The following ERBB4 variants were observed in gnomAD, a reference collection of about 807,000 sequenced individuals.
ERBB4 encodes the protein erb-b2 receptor tyrosine kinase 4.
In ERBB4, 42 loss-of-function variants were observed where a neutral mutation model predicts 158.0. That is an observed-to-expected ratio of 0.27 (90% CI 0.21 to 0.34). The LOEUF (loss-of-function observed/expected upper bound fraction) is 0.34, where lower values mean the gene tolerates loss of function less well. Ranked by LOEUF, ERBB4 falls within the 10% of genes least tolerant of loss-of-function variation. The probability of loss-of-function intolerance (pLI) is 1.00; values close to 1 mark genes in which losing one functional copy is unlikely to be tolerated. For synonymous variants in ERBB4, 583 were observed against 558.7 expected, an observed-to-expected ratio of 1.04 and a Z score of -0.61; for missense variants, 1,333 against 1,624.1, an observed-to-expected ratio of 0.82 and a Z score of 3.08.
intron 3 of ERBB4, among the ~76,000 whole-genome samples, chr2:211,830,847 A>G (rs2077203010): frequency 6.6e-6 from 1 of 152,120 alleles, no homozygotes; most frequent in Non-Finnish European, 1.5e-5. Flanking sequence ...CCATTAATTA[A>G]TAGGGTTATA....
At chr2:211,605,259 T>G (rs2068940129) in intron 19 of ERBB4, among the ~76,000 whole-genome samples, 1 of 152,156 alleles carries the variant, frequency 6.6e-6, no homozygotes, top group African/African-American at 2.4e-5. Context: ...TGTAATGAGA[T>G]GAATACTAAA....
intron 3 of ERBB4, among the ~76,000 whole-genome samples, chr2:211,810,360 G>C (rs1559538233): frequency 6.6e-6 from 1 of 152,192 alleles, no homozygotes; most frequent in Non-Finnish European, 1.5e-5. Context: ...CTTGCTTTAT[G>C]AATCTGGGTA....
At chr2:211,837,673 C>T (rs1329420621) in intron 3 of ERBB4, among the ~76,000 whole-genome samples, 1 of 152,052 alleles carries the variant, frequency 6.6e-6, no homozygotes, top group Non-Finnish European at 1.5e-5. Context: ...GTAGTCTCCA[C>T]ATCTTTAAAA....
rs2080616848 is a variant in ERBB4 at position 211,944,273 on chromosome 2, ACACTCTGT to A, written c.421+3149_421+3156del. 3.4e-5 allele frequency among the ~76,000 whole-genome samples: 5 copies of A among 147,056 alleles called. No individual in the cohort carries two copies. In the Admixed American group the frequency reaches 3.4e-4, roughly 10 times the overall value. On this transcript the variant is annotated intron_variant, in intron 3 of 27. Transcript: ENST00000342788. Reference sequence around the variant, plus strand: ...CTTCATCTCAAAACTCTTGGTTACAACACTCTGTACACTTCCCATCCCCATAATTGTTA... The same window carrying A: ...CTTCATCTCAAAACTCTTGGTTACAAACACTTCCCATCCCCATAATTGTTA...
At chr2:211,468,860 G>T (rs2064762871) in intron 20 of ERBB4, among the ~76,000 whole-genome samples, 1 of 148,290 alleles carries the variant, frequency 6.7e-6, no homozygotes, top group Non-Finnish European at 1.5e-5. Context: ...AACAAGGATG[G>T]CAACAAAAAC....
At chr2:212,013,030 A>T (rs2076426850) in intron 2 of ERBB4, among the ~76,000 whole-genome samples, 1 of 149,450 alleles carries the variant, frequency 6.7e-6, no homozygotes, top group Non-Finnish European at 1.5e-5. Flanking sequence ...CAGGCATGAG[A>T]CACCATGCCC....
intron 3 of ERBB4, among the ~76,000 whole-genome samples, chr2:211,804,638 T>C (rs530240036): frequency 2.0e-5 from 3 of 152,180 alleles, no homozygotes; most frequent in Non-Finnish European, 2.9e-5. Context: ...GTGGGGTTTT[T>C]TAATGCTCTA....
At chr2:211,672,848 A>G (rs1385098046) in intron 14 of ERBB4, among the ~76,000 whole-genome samples, 2 of 152,116 alleles carry the variant, frequency 1.3e-5, no homozygotes, top group African/African-American at 2.4e-5. Flanking sequence ...ATTTATAAAT[A>G]TTTTTATTAT....
chr2:212,183,075 T>C (rs78130171), intron 1 of ERBB4, among the ~76,000 whole-genome samples: 4,025 of 151,798 alleles, frequency 0.027, 64 homozygotes, highest in Middle Eastern at 0.055. Context: ...ATTTAAATAA[T>C]TATTAGGTCT....
intron 1 of ERBB4, among the ~76,000 whole-genome samples, chr2:212,269,054 G>A (rs2106112426): frequency 1.3e-5 from 2 of 151,232 alleles, no homozygotes; most frequent in South Asian, 4.1e-4. Context: ...AATCCTTTCA[G>A]TTATATAATG....
At chr2:212,460,128 C>T (rs1329972940) in intron 1 of ERBB4, among the ~76,000 whole-genome samples, 1 of 152,182 alleles carries the variant, frequency 6.6e-6, no homozygotes, top group Admixed American at 6.6e-5. Flanking sequence ...TAAGACATGA[C>T]TTGCTCTTCC....
rs10535592 is a variant in ERBB4 at position 211,738,361 on chromosome 2, G to GTT, written c.622+12276_622+12277dup. Among the ~76,000 whole-genome samples the GTT allele has an allele frequency of 4.2e-3, 574 of 135,248 alleles. 3 individuals carry two copies. The highest frequency in any genetic ancestry group is 6.3e-3 in the Non-Finnish European group (385 of 61,520). The allele number at this position is 135,248 out of a possible 152,430, so 88.7% of individuals were successfully genotyped here. On this transcript the variant is annotated intron_variant, in intron 5 of 27. Transcript: ENST00000342788. ...TTAAAGTAATTTTTCCTTTGTTTTTGTTTTTTTTTTTTTTTTTTTTTTTTT... is the reference window on the plus strand; with the variant it reads ...TTAAAGTAATTTTTCCTTTGTTTTTGTTTTTTTTTTTTTTTTTTTTTTTTTTT...
rs1414081721 is a variant in ERBB4 at position 211,379,557 on chromosome 2, A to G, written c.*4058T>C. 2 of 230,920 alleles carry G rather than the reference A, an allele frequency of 8.7e-6. No homozygotes were observed. Among genetic ancestry groups the G allele is most frequent in the Non-Finnish European group, 1.7e-5 (2 of 116,708 alleles). The allele number at this position is 230,920 out of a possible 1,614,324, so 14.3% of individuals were successfully genotyped here. A position where few individuals can be genotyped will look rare whatever the true frequency, so the allele number is the denominator to read the frequency against. On this transcript the variant is annotated 3_prime_UTR_variant, in exon 28 of 28. Transcript: ENST00000342788. ...TGCAAAATCCATCCTACATTTTTAT[A>G]TCCTGCATTTAACTTTGTTACATTA...
At chr2:211,414,086 G>C (rs769350340) in intron 25 of ERBB4, among the ~76,000 whole-genome samples, 1 of 152,142 alleles carries the variant, frequency 6.6e-6, no homozygotes, top group Non-Finnish European at 1.5e-5. Context: ...TTGTGGGGGC[G>C]AGTTGGAGAC....
intron 3 of ERBB4, among the ~76,000 whole-genome samples, chr2:211,935,564 G>A (rs1417248260): frequency 6.6e-6 from 1 of 152,076 alleles, no homozygotes; most frequent in African/African-American, 2.4e-5. Flanking sequence ...AGACTGAGAG[G>A]TACACCATTA....
intron 2 of ERBB4, among the ~76,000 whole-genome samples, chr2:211,949,170 T>A (rs760483802): frequency 6.6e-6 from 1 of 152,212 alleles, no homozygotes; most frequent in African/African-American, 2.4e-5. Context: ...TCATTCCTCA[T>A]CTAGGTTATT....
chr2:211,933,236 TGAC>T (rs2080225039), intron 3 of ERBB4, among the ~76,000 whole-genome samples: 1 of 152,202 alleles, frequency 6.6e-6, no homozygotes, highest in African/African-American at 2.4e-5. Context: ...GTACGTGAAA[TGAC>T]AGTGTAATGC....
intron 2 of ERBB4, among the ~76,000 whole-genome samples, chr2:212,060,651 T>C (rs1461157774): frequency 9.2e-6 from 1 of 108,916 alleles, no homozygotes; most frequent in Admixed American, 1.1e-4. Flanking sequence ...TGAGTTCGTG[T>C]CCTTTGTAGG....
chr2:211,748,219 CATAAA>C (rs2075029827), intron 5 of ERBB4, among the ~76,000 whole-genome samples: 6 of 151,674 alleles, frequency 4.0e-5, no homozygotes, highest in Admixed American at 2.6e-4. Flanking sequence ...TAAAAATACA[CATAAA>C]ATAAGACACA....
Sources: gnomAD v4.1 joint callset for allele counts (sites outside exome capture counted in the v4.1 genomes callset) on GRCh38, gnomAD v4.1.1 for gene constraint, MANE v1.5 for transcripts, NCBI Gene and HGNC (gene_info 2026-07-23, HGNC 2026-07-21) for gene names.